The following CLSTN2 variants were observed in gnomAD, a reference collection of about 807,000 sequenced individuals.
CLSTN2 encodes the protein calsyntenin 2, also known as calsyntenin-2.
CLSTN2 carries 48 observed loss-of-function variants against 101.2 expected under a neutral mutation model. That is an observed-to-expected ratio of 0.47 (90% CI 0.38 to 0.60). The LOEUF (loss-of-function observed/expected upper bound fraction) is 0.60, where lower values mean the gene tolerates loss of function less well. CLSTN2 is among the 20% of genes least tolerant of loss of function. The probability of loss-of-function intolerance (pLI) is 0.00; values close to 1 mark genes in which losing one functional copy is unlikely to be tolerated. For missense variants in CLSTN2, 1,160 were observed against 1,238.2 expected (o/e 0.94, Z 0.95); for synonymous variants, 481 against 463.6 (o/e 1.04, Z -0.48).
At position 140,572,161 on chromosome 3, in the gene CLSTN2, G is replaced by C. The variant is rs913149057; in HGVS notation, c.*5908G>C. On this transcript the variant is annotated 3_prime_UTR_variant, in exon 17 of 17. Transcript: ENST00000458420. ...AGAAGTTTAGTGTTAGGGAGGCAGG[G>C]TAACTTGCTTTGACAGCTACCCACC... is the stretch of plus-strand genomic sequence containing the variant. 1 of 152,284 alleles carries C rather than the reference G, an allele frequency of 6.6e-6. No homozygotes were observed. The allele number at this position is 152,284 out of a possible 1,614,324, so 9.4% of individuals were successfully genotyped here. A position where few individuals can be genotyped will look rare whatever the true frequency, so the allele number is the denominator to read the frequency against.
At chr3:140,069,850 G>C (rs1560085556) in intron 1 of CLSTN2, among the ~76,000 whole-genome samples, 1 of 152,158 alleles carries the variant, frequency 6.6e-6, no homozygotes, top group Non-Finnish European at 1.5e-5. Context: ...GGAGTGCATG[G>C]ATCAGACAAT....
At chr3:140,110,022 A>G (rs919612311) in intron 1 of CLSTN2, among the ~76,000 whole-genome samples, 1 of 152,146 alleles carries the variant, frequency 6.6e-6, no homozygotes. Flanking sequence ...AAATCTCAGA[A>G]TCATTTATGC....
Position 140,574,460 on chromosome 3 carries a change from A to G in CLSTN2, c.*8207A>G, listed in dbSNP as rs931169218. The G allele has an allele frequency of 6.6e-6, 1 of 152,178 alleles. No individual in the cohort carries two copies. Among genetic ancestry groups the G allele is most frequent in the African/African-American group, 2.4e-5 (1 of 41,430 alleles). The allele number at this position is 152,178 out of a possible 1,614,324, so 9.4% of individuals were successfully genotyped here. The stretch of plus-strand genomic sequence containing the variant: ...TCCCAACTGAGGAGAGAAAACCCTA[A>G]TTTGTTAATGACCCAGCCTTGTGCT... On this transcript the variant is annotated 3_prime_UTR_variant, in exon 17 of 17. Transcript: ENST00000458420.
chr3:140,495,228 G>C (rs1264207952), intron 8 of CLSTN2, among the ~76,000 whole-genome samples: 1 of 152,168 alleles, frequency 6.6e-6, no homozygotes, highest in Non-Finnish European at 1.5e-5. Context: ...GTGATGTTGA[G>C]CTTTCTGTAA....
At chr3:140,521,099 A>G (rs1289848816) in intron 8 of CLSTN2, among the ~76,000 whole-genome samples, 2 of 140,350 alleles carry the variant, frequency 1.4e-5, no homozygotes, top group East Asian at 2.2e-4. Flanking sequence ...TTAGCTCAGC[A>G]AAGTTCATTA....
intron 2 of CLSTN2, among the ~76,000 whole-genome samples, chr3:140,399,805 A>G (rs2088220797): frequency 6.6e-6 from 1 of 152,056 alleles, no homozygotes; most frequent in Non-Finnish European, 1.5e-5. Flanking sequence ...ATGATTGATC[A>G]CGTCACCAAG....
intron 8 of CLSTN2, among the ~76,000 whole-genome samples, chr3:140,504,516 A>G (rs1934646410): frequency 6.6e-6 from 1 of 152,166 alleles, no homozygotes; most frequent in Non-Finnish European, 1.5e-5. Context: ...ACCAAAACAG[A>G]GTCCTGGACT....
chr3:139,935,587 C>G lies in CLSTN2; in HGVS notation c.109+104C>G. The G allele has an allele frequency of 1.9e-6, 1 of 524,724 alleles. No individual in the cohort carries two copies. Among genetic ancestry groups the G allele is most frequent in the Non-Finnish European group, 2.9e-6 (1 of 343,898 alleles). 32.5% of individuals were successfully genotyped at this position (524,724 alleles called of 1,614,324 possible). On this transcript the variant is annotated intron_variant, in intron 1 of 16. Transcript: ENST00000458420. This position sits in a 1 kb window ranked among gnomAD's most constrained non-coding sequence, Gnocchi z 5.5. ...CTCAAGCTGGATTTGCCCACCCTCC[C>G]TTGCCGCAGCTTCTTTGGCCTCTGT... is the stretch of plus-strand genomic sequence containing the variant.
At chr3:140,304,965 G>A (rs575704952) in intron 2 of CLSTN2, among the ~76,000 whole-genome samples, 7 of 152,028 alleles carry the variant, frequency 4.6e-5, no homozygotes, top group East Asian at 1.9e-4. Flanking sequence ...CATTAGAGGC[G>A]AGCTATGCAT....
intron 2 of CLSTN2, among the ~76,000 whole-genome samples, chr3:140,327,767 T>C (rs2087345875): frequency 6.6e-6 from 1 of 152,260 alleles, no homozygotes; most frequent in Non-Finnish European, 1.5e-5. Flanking sequence ...TACCATGCAC[T>C]TGATAAGTGT....
At chr3:140,076,032 A>G (rs1218274887) in intron 1 of CLSTN2, among the ~76,000 whole-genome samples, 1 of 152,120 alleles carries the variant, frequency 6.6e-6, no homozygotes, top group Non-Finnish European at 1.5e-5. Context: ...GCAGATCTCT[A>G]ATGGAAACTT....
chr3:140,088,602 G>A (rs2008717806), intron 1 of CLSTN2, among the ~76,000 whole-genome samples: 1 of 152,168 alleles, frequency 6.6e-6, no homozygotes, highest in Non-Finnish European at 1.5e-5. Context: ...TCTCTCCCTG[G>A]AAGCTGTCAG....
At chr3:140,110,357 C>G (rs1201597703) in intron 1 of CLSTN2, among the ~76,000 whole-genome samples, 4 of 152,126 alleles carry the variant, frequency 2.6e-5, no homozygotes, top group Non-Finnish European at 4.4e-5. Flanking sequence ...AGAGAAACCT[C>G]AGAGCCTATT....
chr3:140,564,194 T>C (rs1162415971), intron 16 of CLSTN2, 49 bp downstream of exon 16: 4 of 1,560,986 alleles, frequency 2.6e-6, no homozygotes, highest in South Asian at 2.3e-5. Context: ...CTTCTCCCTC[T>C]ACCCAGCTCA....
rs368722720 is a variant in CLSTN2 at position 140,419,802 on chromosome 3, T to C, written c.638-1323T>C. 1.9e-4 allele frequency among the ~76,000 whole-genome samples: 14 copies of C among 75,070 alleles called. 4 individuals carry two copies. The highest frequency in any genetic ancestry group is 7.9e-4 in the African/African-American group (5 of 6,334). The allele number at this position is 75,070 out of a possible 152,430, so 49.2% of individuals were successfully genotyped here. ...ACGTATATACACGTATACGTGTATA[T>C]ACGTGTATATACGTATATATACGTA... is the stretch of plus-strand genomic sequence containing the variant. On this transcript the variant is annotated intron_variant, in intron 4 of 16. Coordinates refer to ENST00000458420, the MANE Select transcript of CLSTN2 (RefSeq NM_022131.3).
chr3:140,158,671 C>T (rs994767950), intron 1 of CLSTN2, among the ~76,000 whole-genome samples: 8 of 151,900 alleles, frequency 5.3e-5, no homozygotes, highest in South Asian at 2.1e-4. Context: ...TTCACAGAAT[C>T]GGAAAAAAAG....
intron 1 of CLSTN2, among the ~76,000 whole-genome samples, chr3:139,947,836 T>A (rs1367656986): frequency 7.0e-6 from 1 of 142,666 alleles, no homozygotes; most frequent in Non-Finnish European, 1.5e-5. Context: ...AAAGCATTTT[T>A]ATTGCACTTG....
intron 2 of CLSTN2, among the ~76,000 whole-genome samples, chr3:140,264,705 A>G (rs148760059): frequency 2.5e-4 from 38 of 152,244 alleles, no homozygotes; most frequent in Non-Finnish European, 4.4e-4. Flanking sequence ...GATAATCTCA[A>G]GCCTCTTTGG....
intron 8 of CLSTN2, among the ~76,000 whole-genome samples, chr3:140,476,602 C>T (rs1426637456): frequency 6.6e-6 from 1 of 151,718 alleles, no homozygotes; most frequent in African/African-American, 2.4e-5. Flanking sequence ...GCATGGATGT[C>T]CATCCAGAAA....
Sources: gnomAD v4.1 joint callset for allele counts (sites outside exome capture counted in the v4.1 genomes callset) on GRCh38, gnomAD v4.1.1 for gene constraint, Gnocchi (gnomAD v3.1) non-coding constraint, MANE v1.5 for transcripts, NCBI Gene and HGNC (gene_info 2026-07-23, HGNC 2026-07-21) for gene names.